The following SGCG variants were observed in gnomAD, a reference collection of about 807,000 sequenced individuals.
SGCG encodes the protein gamma-sarcoglycan.
Under a neutral mutation model 29.3 loss-of-function variants are expected in SGCG, and 26 were observed. The ratio of observed to expected loss-of-function variants is 0.89; its 90% CI spans 0.65 to 1.23. The LOEUF is 1.23. SGCG is among the 50% of genes most tolerant of loss of function. The pLI is 0.00. For missense variants in SGCG, 353 were observed against 356.0 expected (o/e 0.99, Z 0.07); for synonymous variants, 145 against 129.7 (o/e 1.12, Z -0.80).
intron 7 of SGCG, 115 bp from the exon 8 acceptor site, chr13:23,324,245 CAGGTGCCT>C: frequency 1.2e-6 from 1 of 823,824 alleles, no homozygotes; most frequent in Non-Finnish European, 2.1e-6. Context: ...TACATAAAGT[CAGGTGCCT>C]ATTTTGTTTT....
At chr13:23,300,809 T>TAAAAA (rs58050317) in intron 6 of SGCG, among the ~76,000 whole-genome samples, 15 of 122,464 alleles carry the variant, frequency 1.2e-4, no homozygotes, top group African/African-American at 4.8e-4. Flanking sequence ...ACTAGTTTAC[T>TAAAAA]AAAAAAAAAA....
intron 1 of SGCG, among the ~76,000 whole-genome samples, chr13:23,200,839 G>C (rs1877716348): frequency 1.3e-5 from 2 of 152,168 alleles, no homozygotes; most frequent in Non-Finnish European, 2.9e-5. Context: ...TAACTGTGGA[G>C]TCCCTGAGGT....
At chr13:23,312,347 G>A (rs1045994062) in intron 6 of SGCG, among the ~76,000 whole-genome samples, 5 of 152,120 alleles carry the variant, frequency 3.3e-5, no homozygotes, top group African/African-American at 7.2e-5. Context: ...GAGTAAATCC[G>A]GTTGATTTTG....
chr13:23,285,002 T>C (rs1881440874), intron 5 of SGCG, among the ~76,000 whole-genome samples: 1 of 152,220 alleles, frequency 6.6e-6, no homozygotes, highest in South Asian at 2.1e-4. Context: ...GAGGGGAACC[T>C]GCCAGATGCC....
chr13:23,224,918 C>T (rs955782558), intron 2 of SGCG, among the ~76,000 whole-genome samples: 2 of 151,994 alleles, frequency 1.3e-5, no homozygotes, highest in African/African-American at 4.8e-5. Context: ...GTGCTTCCAA[C>T]GTGCAGTCAA....
the SGCG span, among the ~76,000 whole-genome samples, chr13:23,169,417 A>C: frequency 1.3e-5 from 2 of 150,920 alleles, no homozygotes; most frequent in African/African-American, 4.9e-5. Context: ...GCGGTGGCTC[A>C]CGCCTGTAAT....
chr13:23,224,307 C>T (rs1266050264), intron 2 of SGCG, among the ~76,000 whole-genome samples: 1 of 152,218 alleles, frequency 6.6e-6, no homozygotes, highest in Non-Finnish European at 1.5e-5. Context: ...ACAGGCTCCT[C>T]CCATTCCACA....
intron 4 of SGCG, among the ~76,000 whole-genome samples, chr13:23,256,814 T>C (rs1880199680): frequency 6.6e-6 from 1 of 152,250 alleles, no homozygotes; most frequent in African/African-American, 2.4e-5. Context: ...GTCTTTGCTA[T>C]TGTGAACAGT....
chr13:23,255,960 C>T (rs1880160849), intron 4 of SGCG, among the ~76,000 whole-genome samples: 1 of 152,106 alleles, frequency 6.6e-6, no homozygotes, highest in Non-Finnish European at 1.5e-5. Flanking sequence ...GCTCACACAC[C>T]CAGCATGTCA....
At chr13:23,253,018 T>G (rs1224934114) in intron 4 of SGCG, among the ~76,000 whole-genome samples, 3 of 152,202 alleles carry the variant, frequency 2.0e-5, no homozygotes, top group Admixed American at 2.0e-4. Flanking sequence ...GCTTCAAATA[T>G]AGTTTCCATT....
rs775738100 is a variant in SGCG at position 23,287,934 on chromosome 13, C to T, written c.506-7481C>T. On this transcript the variant is annotated intron_variant, in intron 5 of 7. Transcript: ENST00000218867. ...CACGCCCAGCTAATTTTTGAATTTT[C>T]AGAAGAGATGGGGTTTCACCATGTT... Among the ~76,000 whole-genome samples, 15 of 151,992 alleles carry T rather than the reference C, an allele frequency of 9.9e-5. 1 individual carries two copies. Among genetic ancestry groups the T allele is most frequent in the Non-Finnish European group, 7.4e-5 (5 of 68,002 alleles).
intron 6 of SGCG, among the ~76,000 whole-genome samples, chr13:23,309,267 A>G (rs1340413480): frequency 2.0e-5 from 3 of 151,958 alleles, no homozygotes; most frequent in South Asian, 2.1e-4. Context: ...GAGAGAGAGA[A>G]AGAGGAAGAT....
chr13:23,242,088 G>A (rs1271991997), intron 3 of SGCG, among the ~76,000 whole-genome samples: 1 of 152,120 alleles, frequency 6.6e-6, no homozygotes, highest in Non-Finnish European at 1.5e-5. Context: ...GATGGTAGAA[G>A]GGACACTGCT....
chr13:23,320,075 T>G (rs913156566), intron 6 of SGCG, among the ~76,000 whole-genome samples: 6 of 152,234 alleles, frequency 3.9e-5, no homozygotes, highest in African/African-American at 1.4e-4. Context: ...AAACTTATAT[T>G]CTGTCTTATG....
chr13:23,221,561 C>T (rs939275649), intron 2 of SGCG, among the ~76,000 whole-genome samples: 5 of 152,210 alleles, frequency 3.3e-5, no homozygotes, highest in African/African-American at 1.2e-4. Flanking sequence ...ATGTATAAGG[C>T]ACAGTGCTAA....
intron 1 of SGCG, among the ~76,000 whole-genome samples, chr13:23,184,355 G>A (rs1876882403): frequency 8.6e-6 from 1 of 116,520 alleles, no homozygotes; most frequent in East Asian, 2.6e-4. Context: ...AATTTTTAGG[G>A]ACTAGGCAAA....
chr13:23,310,563 G>T (rs2137508199), intron 6 of SGCG, among the ~76,000 whole-genome samples: 1 of 151,948 alleles, frequency 6.6e-6, no homozygotes, highest in African/African-American at 2.4e-5. Flanking sequence ...CAAATTTTTT[G>T]GTTTGAGATT....
intron 5 of SGCG, among the ~76,000 whole-genome samples, chr13:23,294,161 A>G (rs1454703136): frequency 4.6e-5 from 7 of 152,212 alleles, no homozygotes; most frequent in Non-Finnish European, 1.0e-4. Flanking sequence ...AGTGGCAGCC[A>G]CAGCCTCTTA....
At chr13:23,290,374 A>G (rs1481682371) in intron 5 of SGCG, among the ~76,000 whole-genome samples, 1 of 152,222 alleles carries the variant, frequency 6.6e-6, no homozygotes, top group Non-Finnish European at 1.5e-5. Flanking sequence ...GTAAAGGCAG[A>G]GCAGCCACCA....
Sources: allele counts gnomAD v4.1 joint callset (sites outside exome capture counted in the v4.1 genomes callset), GRCh38; gene constraint gnomAD v4.1.1; transcripts MANE v1.5; gene names NCBI Gene and HGNC (gene_info 2026-07-23, HGNC 2026-07-21).